The following DROSHA variants were observed in gnomAD, a reference collection of about 807,000 sequenced individuals.
The protein encoded by DROSHA is ribonuclease 3.
A neutral mutation model predicts 181.9 loss-of-function variants in DROSHA; 56 were observed. The ratio of observed to expected loss-of-function variants is 0.31; its 90% CI spans 0.25 to 0.38. DROSHA has a LOEUF of 0.38. DROSHA is among the 10% of genes least tolerant of loss of function. DROSHA has a pLI of 1.00. For missense variants in DROSHA, 1,218 were observed against 1,743.5 expected (o/e 0.70, Z 5.37); for synonymous variants, 524 against 591.2 (o/e 0.89, Z 1.65).
At chr5:31,513,391 A>G (rs1392022703) in intron 8 of DROSHA, among the ~76,000 whole-genome samples, 1 of 152,234 alleles carries the variant, frequency 6.6e-6, no homozygotes, top group Non-Finnish European at 1.5e-5. Flanking sequence ...AGTCCCACTT[A>G]GTCAGGTGTT....
intron 11 of DROSHA, among the ~76,000 whole-genome samples, chr5:31,495,916 G>A (rs567862315): frequency 2.0e-5 from 3 of 152,214 alleles, no homozygotes; most frequent in Non-Finnish European, 4.4e-5. Flanking sequence ...CTTGTCCTGT[G>A]GGTGATGGGC....
At position 31,468,004 on chromosome 5, in the gene DROSHA, A is replaced by G. The variant is rs1580197546; in HGVS notation, c.2301T>C (p.Ile767=). The G allele has an allele frequency of 6.2e-7, 1 of 1,612,082 alleles. No homozygotes were observed. The highest frequency in any genetic ancestry group is 8.5e-7 in the Non-Finnish European group (1 of 1,179,126). The change falls in exon 18 of 36, where the codon ATT becomes ATC. Residue 767 remains isoleucine, a synonymous_variant. Transcript: ENST00000344624. ...LDREQFNPDV[I]TFPIIVHFGI... is the part of the protein sequence containing the mutation. ...CAAAGTGGACGATAATCGGAAAAGT[A>G]ATCACATCGGGGTTGAACTGTTCAC...
chr5:31,501,937 G>A (rs531084526), intron 11 of DROSHA, among the ~76,000 whole-genome samples: 7 of 152,162 alleles, frequency 4.6e-5, no homozygotes, highest in Non-Finnish European at 7.4e-5. Context: ...TGCATGCACC[G>A]CAGTGGATGT....
At chr5:31,462,834 GA>G (rs796638309) in intron 20 of DROSHA, among the ~76,000 whole-genome samples, 100 of 126,608 alleles carry the variant, frequency 7.9e-4, no homozygotes, top group African/African-American at 3.4e-3. Context: ...GGTTTTGTAT[GA>G]AAAAAAAATA....
At chr5:31,512,249 T>C (rs889607816) in intron 8 of DROSHA, among the ~76,000 whole-genome samples, 1 of 152,202 alleles carries the variant, frequency 6.6e-6, no homozygotes, top group Non-Finnish European at 1.5e-5. Context: ...CGGTATAGCT[T>C]TGACATTCTC....
At chr5:31,508,835 T>A (rs1432230526) in intron 9 of DROSHA, 60 bp from the exon 10 acceptor site, 1 of 1,536,722 alleles carries the variant, frequency 6.5e-7, no homozygotes, top group Non-Finnish European at 8.8e-7. Context: ...GGTTTTTTTT[T>A]TTCCCTGAGT....
intron 11 of DROSHA, among the ~76,000 whole-genome samples, chr5:31,502,932 G>A (rs1325956021): frequency 6.6e-6 from 1 of 152,122 alleles, no homozygotes; most frequent in African/African-American, 2.4e-5. Context: ...TGGACTCCTG[G>A]TCAGAAGCAA....
At chr5:31,415,153 C>T (rs1279939214) in intron 30 of DROSHA, among the ~76,000 whole-genome samples, 2 of 152,178 alleles carry the variant, frequency 1.3e-5, no homozygotes, top group Admixed American at 1.3e-4. Flanking sequence ...CCTTCAAGTT[C>T]CCAATTTCAC....
chr5:31,410,911 A>G (rs751019399), intron 30 of DROSHA, 24 bp from the exon 31 acceptor site: 81 of 1,613,140 alleles, frequency 5.0e-5, no homozygotes, highest in Middle Eastern at 1.6e-4. Flanking sequence ...ATGGCGGTAC[A>G]TTGAGAACAC....
At chr5:31,496,469 G>A (rs1752988013) in intron 11 of DROSHA, among the ~76,000 whole-genome samples, 1 of 152,182 alleles carries the variant, frequency 6.6e-6, no homozygotes, top group South Asian at 2.1e-4. Flanking sequence ...TGGCTGCAAG[G>A]TGGCCTATAC....
intron 3 of DROSHA, among the ~76,000 whole-genome samples, chr5:31,529,734 C>CAAAAAA (rs70955715): frequency 2.2e-5 from 2 of 91,322 alleles, no homozygotes; most frequent in African/African-American, 8.1e-5. Context: ...AAAAAACAAA[C>CAAAAAA]AAAAAAAAAA....
In DROSHA at chr5:31,526,268, G is replaced by A; in HGVS notation, c.665C>T (p.Pro222Leu). The A allele has an allele frequency of 6.2e-7, 1 of 1,613,768 alleles. No individual in the cohort carries two copies. The highest frequency in any genetic ancestry group is 8.5e-7 in the Non-Finnish European group (1 of 1,179,750). ...LPKAPSERRS[P>L]ERLKHYDDHR... ...GTCATCATAGTGTTTCAGCCTTTCT[G>A]GGGACCTTCTCTCACTGGGAGCCTT... is the stretch of plus-strand genomic sequence containing the variant. Residue 222 changes from proline to leucine, a missense_variant, in exon 5 of 36, where the codon CCA becomes CTA. Pro to Leu is a moderately conservative substitution (Grantham distance 98). Around this residue, in one of 8 missense-constraint regions of DROSHA, gnomAD observed 536 missense variants for 535.4 expected, o/e 1.00. Coordinates refer to ENST00000344624, the MANE Select transcript of DROSHA (RefSeq NM_001382508.1).
At chr5:31,512,462 TTCTTCCCTTCTTCCTAATAGAAGCAGG>T (rs1451134320) in intron 8 of DROSHA, among the ~76,000 whole-genome samples, 1 of 152,194 alleles carries the variant, frequency 6.6e-6, no homozygotes, top group East Asian at 1.9e-4. Context: ...ATGGCAGCCA[TTCTTCCCTTCTTCCTAATAGAAGCAGG>T]ATTCTGTAAG....
At chr5:31,445,659 A>G (rs1397389802) in intron 23 of DROSHA, among the ~76,000 whole-genome samples, 1 of 104,546 alleles carries the variant, frequency 9.6e-6, no homozygotes, top group Non-Finnish European at 2.5e-5. Context: ...CCCCAAATCA[A>G]TTAGAATAAA....
chr5:31,456,497 C>G (rs954646153), intron 20 of DROSHA, among the ~76,000 whole-genome samples: 1 of 141,696 alleles, frequency 7.1e-6, no homozygotes, highest in Non-Finnish European at 1.6e-5. Context: ...CACACACAGA[C>G]ACACACACAC....
intron 20 of DROSHA, among the ~76,000 whole-genome samples, chr5:31,463,154 CATAAG>C (rs1748593268): frequency 6.6e-6 from 1 of 152,072 alleles, no homozygotes; most frequent in Non-Finnish European, 1.5e-5. Context: ...TACTGACAGT[CATAAG>C]ATATTTGTCA....
rs746412985 is a variant in DROSHA, at chr5:31,511,079, C to T, written c.1388G>A (p.Arg463Gln). The part of the protein sequence containing the change: ...GSRQEKAKAA[R>Q]PPWEPPKTKL... ...CGTCTTTGGAGGTTCCCACGGAGGCCGAGCAGCTTTGGCCTTTTCTTGCCT... is the reference window on the plus strand; with the variant it reads ...CGTCTTTGGAGGTTCCCACGGAGGCTGAGCAGCTTTGGCCTTTTCTTGCCT... Residue 463 changes from arginine to glutamine, a missense_variant, in exon 9 of 36, where the codon CGG (arginine) becomes CAG (glutamine). Coordinates refer to ENST00000344624, the MANE Select transcript of DROSHA (RefSeq NM_001382508.1). 2.5e-6 allele frequency: 4 copies of T among 1,613,910 alleles called. No individual in the cohort carries two copies. The Admixed American group carries it at 5.0e-5, about 20-fold the overall frequency.
chr5:31,409,896 C>T lies in DROSHA; in HGVS notation c.3668-564G>A, dbSNP rs1044000893. Among the ~76,000 whole-genome samples, 3 of 150,942 alleles carry T rather than the reference C, an allele frequency of 2.0e-5. No homozygotes were observed. The highest frequency in any genetic ancestry group is 4.9e-5 in the African/African-American group (2 of 41,004). ...AAATGGTGACCCCCTAGGATGACTTCATTTAAAGGTACCTTGACAAAGCAA... is the reference window on the plus strand; with the variant it reads ...AAATGGTGACCCCCTAGGATGACTTTATTTAAAGGTACCTTGACAAAGCAA... On this transcript the variant is annotated intron_variant, in intron 31 of 35. Transcript: ENST00000344624. The surrounding 1 kb of genome is among the most constrained non-coding windows in gnomAD (Gnocchi z 4.0).
chr5:31,519,577 C>T (rs958068775), intron 6 of DROSHA, among the ~76,000 whole-genome samples: 10 of 152,140 alleles, frequency 6.6e-5, no homozygotes, highest in South Asian at 4.1e-4. Flanking sequence ...TCAGTAACAA[C>T]GATAAGCAAT....
Sources: gnomAD v4.1 joint callset for allele counts (sites outside exome capture counted in the v4.1 genomes callset) on GRCh38, gnomAD v4.1.1 for gene constraint, gnomAD v4.1.1 regional missense constraint, Gnocchi (gnomAD v3.1) non-coding constraint, MANE v1.5 for transcripts, NCBI Gene and HGNC (gene_info 2026-07-23, HGNC 2026-07-21) for gene names.